The following TICRR variants were observed in gnomAD, a reference collection of about 807,000 sequenced individuals.
TICRR encodes TOPBP1 interacting checkpoint and replication regulator, also known as treslin.
TICRR carries 132 observed loss-of-function variants against 178.1 expected under a neutral mutation model. That is an observed-to-expected ratio of 0.74 (90% CI 0.64 to 0.86). The LOEUF is 0.86. TICRR is among the 40% of genes least tolerant of loss of function. The probability of loss-of-function intolerance (pLI) is 0.00; values close to 1 mark genes in which losing one functional copy is unlikely to be tolerated. For missense variants in TICRR, 2,587 were observed against 2,334.3 expected, an observed-to-expected ratio of 1.11 and a Z score of -2.23; for synonymous variants, 991 against 900.7, an observed-to-expected ratio of 1.10 and a Z score of -1.79.
At chr15:89,622,484 G>A (rs893728683) in intron 19 of TICRR, among the ~76,000 whole-genome samples, 3 of 152,126 alleles carry the variant, frequency 2.0e-5, no homozygotes, top group Admixed American at 6.5e-5. Context: ...TAGACTCCCC[G>A]TCCGCTAAAG....
intron 3 of TICRR, 72 bp from the exon 4 acceptor site, chr15:89,585,635 CT>C (rs1237964221): frequency 3.9e-6 from 4 of 1,035,750 alleles, no homozygotes; most frequent in Non-Finnish European, 5.9e-6. Flanking sequence ...GTTATTCTGT[CT>C]TTTAGTACAC....
chr15:89,619,573 C>A, intron 17 of TICRR, 135 bp from the exon 18 acceptor site: 1 of 885,186 alleles, frequency 1.1e-6, no homozygotes, highest in Non-Finnish European at 1.7e-6. Context: ...CTTCAGAAGT[C>A]TCTTAAAGCT....
intron 5 of TICRR, 39 bp from the exon 6 acceptor site, chr15:89,594,376 T>C: frequency 6.6e-7 from 1 of 1,515,120 alleles, no homozygotes; most frequent in Non-Finnish European, 8.9e-7. Flanking sequence ...TTTGCAAAAT[T>C]AGAATGTTGG....
chr15:89,601,914 G>A lies in TICRR; in HGVS notation c.2505G>A (p.Val835=), dbSNP rs1369773139. ...VPFLSSARRS[V]SGSPESDELQ... ...TTTTGTCAAGTGCTCGTAGATCAGT[G>A]TCAGGCAGCCCTGAATCTGATGAAC... The change falls in exon 12 of 22, where the codon GTG becomes GTA. Residue 835 remains valine (V), a synonymous_variant. Transcript: ENST00000268138. 1.9e-6 allele frequency: 3 copies of A among 1,614,018 alleles called. No homozygotes were observed. Among genetic ancestry groups the A allele is most frequent in the Non-Finnish European group, 2.5e-6 (3 of 1,180,022 alleles).
rs1306325260 is a variant in TICRR, at chr15:89,624,176, T to A, written c.3866T>A (p.Ile1289Asn). The A allele has an allele frequency of 2.5e-6, 4 of 1,613,852 alleles. No individual in the cohort carries two copies. The highest frequency in any genetic ancestry group is 3.4e-6 in the Non-Finnish European group (4 of 1,180,016). Reference protein sequence around the residue: ...EPAQKLKDKAIKTPKRPGNST... With the variant: ...EPAQKLKDKANKTPKRPGNST... ...GCCCAGAAACTAAAGGATAAAGCTA[T>A]CAAAACTCCAAAAAGACCAGGGAAT... Residue 1289 changes from isoleucine (I) to asparagine (N), a missense_variant, in exon 20 of 22, where the codon ATC becomes AAC. Coordinates refer to ENST00000268138, the MANE Select transcript of TICRR (RefSeq NM_152259.4).
At chr15:89,623,600 G>A in intron 19 of TICRR, 23 bp from the exon 20 acceptor site, 1 of 1,584,762 alleles carries the variant, frequency 6.3e-7, no homozygotes, top group East Asian at 2.2e-5. Context: ...TTCAAGGACT[G>A]AAATAAGCAT....
rs753914014 is a variant in TICRR at position 89,623,931 on chromosome 15, G to A, written c.3621G>A (p.Leu1207=). 4.3e-6 allele frequency: 7 copies of A among 1,613,960 alleles called. No individual in the cohort carries two copies. The South Asian group carries it at 7.7e-5, about 18-fold the overall frequency. The change falls in exon 20 of 22, where the codon TTG becomes TTA. Residue 1207 remains leucine (L), a synonymous_variant. Coordinates refer to ENST00000268138, the MANE Select transcript of TICRR (RefSeq NM_152259.4). ...AAGGTACTCAGCCGCCTGGGTTTTT[G>A]CCAAACTGTACTTGGCCACATTCAG... is the stretch of plus-strand genomic sequence containing the variant. The part of the protein sequence containing the change: ...KRQGTQPPGF[L]PNCTWPHSVN...
chr15:89,624,803 A>G lies in TICRR; in HGVS notation c.4493A>G (p.Lys1498Arg). 2 of 1,614,182 alleles carry G rather than the reference A, an allele frequency of 1.2e-6. No individual in the cohort carries two copies. The highest frequency in any genetic ancestry group is 1.7e-6 in the Non-Finnish European group (2 of 1,180,032). Reference sequence around the variant, plus strand: ...GGGCTAAGGACAGCAGATGCTGAGAAGTCTTCTCTGTCTCACCCTGGGATT... The same window carrying G: ...GGGCTAAGGACAGCAGATGCTGAGAGGTCTTCTCTGTCTCACCCTGGGATT... ...GEGLRTADAE[K>R]SSLSHPGIPP... Residue 1498 changes from lysine to arginine, a missense_variant, in exon 20 of 22, where the codon AAG becomes AGG. Coordinates refer to ENST00000268138, the MANE Select transcript of TICRR (RefSeq NM_152259.4).
intron 5 of TICRR, among the ~76,000 whole-genome samples, chr15:89,593,469 C>G (rs1178654147): frequency 6.6e-6 from 1 of 152,174 alleles, no homozygotes; most frequent in East Asian, 1.9e-4. Context: ...CTTTGGGAAG[C>G]CAAGCCAGTG....
chr15:89,608,864 A>G lies in TICRR; in HGVS notation c.2784A>G (p.Ser928=). The G allele has an allele frequency of 6.2e-7, 1 of 1,611,168 alleles. No individual in the cohort carries two copies. Among genetic ancestry groups the G allele is most frequent in the Non-Finnish European group, 8.5e-7 (1 of 1,178,992 alleles). Residue 928 remains serine (S), a synonymous_variant, in exon 15 of 22, where the codon TCA becomes TCG. Transcript: ENST00000268138. Reference sequence around the variant, plus strand: ...AATTGCTTTCCCCTTCAAAGAGATCACTAAAGCGGGGGTTGCCTAGAAGCC... The same window carrying G: ...AATTGCTTTCCCCTTCAAAGAGATCGCTAAAGCGGGGGTTGCCTAGAAGCC... The part of the protein sequence containing the change: ...NQELLSPSKR[S]LKRGLPRSHS...
At chr15:89,606,149 C>T (rs1963172443) in intron 13 of TICRR, among the ~76,000 whole-genome samples, 1 of 152,142 alleles carries the variant, frequency 6.6e-6, no homozygotes, top group Non-Finnish European at 1.5e-5. Context: ...GCACCAATAA[C>T]ACCAAAGATT....
intron 13 of TICRR, 129 bp from the exon 14 acceptor site, chr15:89,606,639 A>C: frequency 2.7e-6 from 2 of 751,668 alleles, no homozygotes; most frequent in Non-Finnish European, 4.5e-6. Context: ...TCTGTTGTAC[A>C]TTTTATTATT....
intron 1 of TICRR, chr15:89,582,118 G>A (rs189495126): frequency 2.0e-5 from 3 of 152,724 alleles, no homozygotes; most frequent in Non-Finnish European, 4.4e-5. Flanking sequence ...GAGGTCAGGA[G>A]TTTGAGACCA....
At chr15:89,590,377 T>C (rs1962890627) in intron 4 of TICRR, among the ~76,000 whole-genome samples, 1 of 152,188 alleles carries the variant, frequency 6.6e-6, no homozygotes, top group Admixed American at 6.5e-5. Context: ...TACTTACCAA[T>C]TGTGTGTAGG....
intron 10 of TICRR, 39 bp downstream of exon 10, chr15:89,601,430 A>T (rs759074605): frequency 7.4e-6 from 12 of 1,612,710 alleles, no homozygotes; most frequent in Non-Finnish European, 8.5e-6. Context: ...TACGCCCTAG[A>T]TGCTTTCAGC....
intron 7 of TICRR, among the ~76,000 whole-genome samples, chr15:89,598,881 C>T: frequency 6.6e-6 from 1 of 152,184 alleles, no homozygotes; most frequent in Non-Finnish European, 1.5e-5. Context: ...GTGGCACATG[C>T]TTGTGGTCCC....
Position 89,575,823 on chromosome 15 carries a change from G to A in TICRR, c.237G>A (p.Glu79=). 6.3e-7 allele frequency: 1 copy of A among 1,599,452 alleles called. No individual in the cohort carries two copies. The highest frequency in any genetic ancestry group is 8.5e-7 in the Non-Finnish European group (1 of 1,174,706). ...GSRSWEDFEE[E]LEARLEDRAH... Reference sequence around the variant, plus strand: ...GCTCGTGGGAGGACTTTGAGGAGGAGCTGGAGGCCAGGCTCGAGGATCGCG... The same window carrying A: ...GCTCGTGGGAGGACTTTGAGGAGGAACTGGAGGCCAGGCTCGAGGATCGCG... The change falls in exon 1 of 22, where the codon GAG becomes GAA. Residue 79 remains glutamate (E), a synonymous_variant. Coordinates refer to ENST00000268138, the MANE Select transcript of TICRR (RefSeq NM_152259.4).
intron 4 of TICRR, among the ~76,000 whole-genome samples, chr15:89,588,812 C>G (rs1345784677): frequency 1.3e-5 from 2 of 152,006 alleles, no homozygotes; most frequent in African/African-American, 4.8e-5. Context: ...AGCTAACAGT[C>G]TTTGAGGAGT....
At chr15:89,583,991 AATACTT>A (rs994157445) in intron 2 of TICRR, among the ~76,000 whole-genome samples, 1 of 152,120 alleles carries the variant, frequency 6.6e-6, no homozygotes, top group African/African-American at 2.4e-5. Flanking sequence ...CCTGGCCTTC[AATACTT>A]ATACTTATTT....
Sources: gnomAD v4.1 joint callset for allele counts (sites outside exome capture counted in the v4.1 genomes callset) on GRCh38, gnomAD v4.1.1 for gene constraint, MANE v1.5 for transcripts, NCBI Gene and HGNC (gene_info 2026-07-23, HGNC 2026-07-21) for gene names.